Variants in ACTN2 observed in about 807,000 individuals in gnomAD.
ACTN2 encodes the protein actinin alpha 2, also known as alpha-actinin-2.
In ACTN2, 39 loss-of-function variants were observed where a neutral mutation model predicts 113.8. The observed-to-expected ratio is 0.34, with a 90% CI of 0.27 to 0.45. The LOEUF is 0.45. Ranked by LOEUF, ACTN2 falls within the 20% of genes least tolerant of loss-of-function variation. The probability of loss-of-function intolerance (pLI) is 1.00; values close to 1 mark genes in which losing one functional copy is unlikely to be tolerated. For synonymous variants in ACTN2, 429 were observed against 444.1 expected, an observed-to-expected ratio of 0.97 and a Z score of 0.43; for missense variants, 992 against 1,177.9, an observed-to-expected ratio of 0.84 and a Z score of 2.31.
At chr1:236,724,866 G>A (rs1392740528) in intron 4 of ACTN2, among the ~76,000 whole-genome samples, 1 of 130,022 alleles carries the variant, frequency 7.7e-6, no homozygotes, top group Non-Finnish European at 1.6e-5. Context: ...TTTTTGGTGA[G>A]AAGTCAATTG....
At chr1:236,696,795 A>G (rs1275288893) in intron 1 of ACTN2, among the ~76,000 whole-genome samples, 2 of 151,806 alleles carry the variant, frequency 1.3e-5, no homozygotes, top group South Asian at 2.1e-4. Context: ...CCTCCTGAGT[A>G]GCTGAGACTA....
intron 12 of ACTN2, 64 bp from the exon 13 acceptor site, chr1:236,747,603 G>A: frequency 1.4e-6 from 2 of 1,414,478 alleles, no homozygotes; most frequent in Non-Finnish European, 2.0e-6. Context: ...TTCTTTTTTA[G>A]CCCATGTTCA....
rs187466585 is a variant in ACTN2 at position 236,700,428 on chromosome 1, G to A, written c.126+13629G>A. 3.6e-4 allele frequency among the ~76,000 whole-genome samples: 55 copies of A among 152,298 alleles called. 1 individual carries two copies. Among genetic ancestry groups the A allele is most frequent in the Admixed American group, 3.1e-3 (47 of 15,306 alleles). On this transcript the variant is annotated intron_variant, in intron 1 of 20. Coordinates refer to ENST00000366578, the MANE Select transcript of ACTN2 (RefSeq NM_001103.4). ...AATTCCAGTGAATTTCAGGCTCAGC[G>A]GAAGATGGGGAGGCCTGTATATGTG... is the stretch of plus-strand genomic sequence containing the variant.
intron 1 of ACTN2, among the ~76,000 whole-genome samples, chr1:236,688,405 C>T (rs906477012): frequency 1.3e-5 from 2 of 151,396 alleles, no homozygotes; most frequent in Non-Finnish European, 2.9e-5. Context: ...AGTACAGTAG[C>T]AGGATAGAGG....
chr1:236,746,192 A>G (rs898178695), intron 12 of ACTN2, among the ~76,000 whole-genome samples: 8 of 151,446 alleles, frequency 5.3e-5, no homozygotes, highest in Admixed American at 1.3e-4. Context: ...AAGAAAGAAA[A>G]AAAAAAAGAA....
At chr1:236,690,676 C>T (rs1420904704) in intron 1 of ACTN2, among the ~76,000 whole-genome samples, 1 of 152,168 alleles carries the variant, frequency 6.6e-6, no homozygotes, top group Non-Finnish European at 1.5e-5. Context: ...TTAATCAGCA[C>T]TGCGCTTAGA....
intron 11 of ACTN2, 23 bp downstream of exon 11, chr1:236,743,066 G>A: frequency 6.2e-7 from 1 of 1,613,734 alleles, no homozygotes; most frequent in Non-Finnish European, 8.5e-7. Flanking sequence ...GAGTCAGATT[G>A]GATTTTTGAA....
At chr1:236,760,017 G>A (rs539760048) in intron 19 of ACTN2, among the ~76,000 whole-genome samples, 1 of 152,214 alleles carries the variant, frequency 6.6e-6, no homozygotes, top group Non-Finnish European at 1.5e-5. Flanking sequence ...AGGCCGAGGC[G>A]GATGGATCAC....
At chr1:236,707,542 T>C (rs543207705) in intron 1 of ACTN2, among the ~76,000 whole-genome samples, 60 of 152,282 alleles carry the variant, frequency 3.9e-4, no homozygotes, top group East Asian at 1.9e-4. Flanking sequence ...CTCAAGTTTC[T>C]TGGAATTGCC....
intron 3 of ACTN2, 42 bp from the exon 4 acceptor site, chr1:236,720,063 C>A: frequency 7.3e-7 from 1 of 1,367,938 alleles, no homozygotes; most frequent in Non-Finnish European, 1.0e-6. Flanking sequence ...TACGTACAGA[C>A]TATGTTATCT....
intron 1 of ACTN2, among the ~76,000 whole-genome samples, chr1:236,711,493 C>A (rs570146851): frequency 6.6e-6 from 1 of 152,304 alleles, no homozygotes; most frequent in Admixed American, 6.5e-5. Flanking sequence ...AGATTACAGG[C>A]ATGCGCCACC....
intron 19 of ACTN2, among the ~76,000 whole-genome samples, chr1:236,760,594 C>T (rs918994160): frequency 2.0e-5 from 3 of 152,180 alleles, no homozygotes; most frequent in Non-Finnish European, 4.4e-5. Flanking sequence ...ACCTGGCCTC[C>T]CTTGATTCTC....
At position 236,719,090 on chromosome 1, in the gene ACTN2, C is replaced by T. The variant is rs1572113667; in HGVS notation, c.361+77C>T. On this transcript the variant is annotated intron_variant, in intron 3 of 20. Transcript: ENST00000366578. ...GTGTGGGCTGCGACTTGAATTCTCC[C>T]CTTCTTCCCTCCCTTTCACCATTTA... 2.5e-6 allele frequency: 4 copies of T among 1,591,630 alleles called. No homozygotes were observed. The South Asian group carries it at 4.5e-5, about 18-fold the overall frequency.
Position 236,762,950 on chromosome 1 carries a change from T to G in ACTN2, c.*331T>G. On this transcript the variant is annotated 3_prime_UTR_variant, in exon 21 of 21. Coordinates refer to ENST00000366578, the MANE Select transcript of ACTN2 (RefSeq NM_001103.4). ...CTAGGGACAGAAGGAAAGTGAAAAA[T>G]GTGAAAATACAAAATACCCAAGATT... The G allele has an allele frequency of 3.0e-6, 1 of 338,456 alleles. No individual in the cohort carries two copies. Among genetic ancestry groups the G allele is most frequent in the Non-Finnish European group, 5.7e-6 (1 of 175,890 alleles). The allele number at this position is 338,456 out of a possible 1,614,324, so 21.0% of individuals were successfully genotyped here. A position where few individuals can be genotyped will look rare whatever the true frequency, so the allele number is the denominator to read the frequency against.
In ACTN2 at chr1:236,736,573, A is replaced by C. The variant is rs1014795122; in HGVS notation, c.784-549A>C. The C allele has an allele frequency of 2.8e-5, 43 of 1,524,700 alleles. No homozygotes were observed. The Admixed American group carries it at 8.7e-4, about 31-fold the overall frequency. The allele number at this position is 1,524,700 out of a possible 1,614,324, so 94.4% of individuals were successfully genotyped here. ...TCTCATCTAGGTTAGACAAAGTCTT[A>C]AAGCACACTCAGCTCTGTGGAAGGA... On this transcript the variant is annotated intron_variant, in intron 8 of 20. Coordinates refer to ENST00000366578, the MANE Select transcript of ACTN2 (RefSeq NM_001103.4).
chr1:236,715,078 C>T (rs141672599), intron 1 of ACTN2, among the ~76,000 whole-genome samples: 9 of 152,140 alleles, frequency 5.9e-5, no homozygotes, highest in African/African-American at 2.2e-4. Context: ...TGGGGTAGGG[C>T]ATTGGGTAGC....
intron 1 of ACTN2, among the ~76,000 whole-genome samples, chr1:236,696,885 C>T (rs1056793377): frequency 1.3e-5 from 2 of 152,150 alleles, no homozygotes; most frequent in South Asian, 2.1e-4. Flanking sequence ...AGGATGGTCT[C>T]GATCTCGACC....
At chr1:236,758,826 G>T (rs1659625012) in intron 18 of ACTN2, among the ~76,000 whole-genome samples, 1 of 151,968 alleles carries the variant, frequency 6.6e-6, no homozygotes, top group African/African-American at 2.4e-5. Context: ...TTACTATGTT[G>T]GCCAGGCTGG....
At chr1:236,738,883 A>G (rs1310571170) in intron 9 of ACTN2, among the ~76,000 whole-genome samples, 1 of 152,250 alleles carries the variant, frequency 6.6e-6, no homozygotes. Context: ...TTTTTTAAAA[A>G]CACATTTTAA....
Sources: allele counts gnomAD v4.1 joint callset (sites outside exome capture counted in the v4.1 genomes callset), GRCh38; gene constraint gnomAD v4.1.1; transcripts MANE v1.5; gene names NCBI Gene and HGNC (gene_info 2026-07-23, HGNC 2026-07-21).